The following SMG1 variants were observed in gnomAD, a reference collection of about 807,000 sequenced individuals.
SMG1 encodes serine/threonine-protein kinase SMG1.
In SMG1, 22 loss-of-function variants were observed where a neutral mutation model predicts 419.9. The observed-to-expected ratio is 0.05, with a 90% confidence interval of 0.04 to 0.07. The LOEUF (loss-of-function observed/expected upper bound fraction) is 0.07, where lower values mean the gene tolerates loss of function less well. SMG1 is among the 10% of genes least tolerant of loss of function. The probability of loss-of-function intolerance (pLI) is 1.00; values close to 1 mark genes in which losing one functional copy is unlikely to be tolerated. For synonymous variants in SMG1, 1,538 were observed against 1,553.5 expected, an observed-to-expected ratio of 0.99 and a Z score of 0.23; for missense variants, 3,185 against 4,342.0, an observed-to-expected ratio of 0.73 and a Z score of 7.49.
At chr16:18,879,234 G>A in intron 11 of SMG1, 2 of 453,726 alleles carry the variant, frequency 4.4e-6, no homozygotes, top group South Asian at 2.1e-5. Context: ...TCCTCCCTCA[G>A]CCTCCCGAGT....
chr16:18,833,310 T>G (rs1389710636), intron 50 of SMG1, 144 bp from the exon 51 acceptor site: 1 of 585,662 alleles, frequency 1.7e-6, no homozygotes, highest in Non-Finnish European at 2.9e-6. Flanking sequence ...TTGTTTACTT[T>G]TTATTTCTAC....
chr16:18,852,426 C>G lies in SMG1; in HGVS notation c.4805G>C (p.Gly1602Ala). Residue 1602 changes from glycine to alanine, a missense_variant, in exon 32 of 63, where the codon GGA becomes GCA. Coordinates refer to ENST00000446231, the MANE Select transcript of SMG1 (RefSeq NM_015092.5). ...TACTGAAGACAGGTGATACAACTGT[C>G]CCAAAATGAAGTCAGGTTCTCCAAC... ...IGVGEPDFILGQLYHLSSVQA... is the reference protein window; with the variant it reads ...IGVGEPDFILAQLYHLSSVQA... The G allele has an allele frequency of 6.2e-7, 1 of 1,601,454 alleles. No individual in the cohort carries two copies. The highest frequency in any genetic ancestry group is 8.5e-7 in the Non-Finnish European group (1 of 1,173,880).
chr16:18,918,042 C>CGGCTGG (rs1237360801), intron 1 of SMG1, among the ~76,000 whole-genome samples: 114 of 151,734 alleles, frequency 7.5e-4, no homozygotes, highest in African/African-American at 2.6e-3. Context: ...GGGTGGATCA[C>CGGCTGG]CTGAGGTCAT....
At chr16:18,882,953 T>C (rs556488746) in intron 9 of SMG1, among the ~76,000 whole-genome samples, 1 of 152,218 alleles carries the variant, frequency 6.6e-6, no homozygotes, top group South Asian at 2.1e-4. Context: ...CAAACTAGAA[T>C]GTGTGGCTTA....
chr16:18,815,346 G>T (rs1298982567), intron 59 of SMG1, 65 bp from the exon 60 acceptor site: 2 of 1,542,902 alleles, frequency 1.3e-6, no homozygotes, highest in East Asian at 2.3e-5. Context: ...ATAAAAATAT[G>T]AACAAAACTG....
At chr16:18,884,684 T>C (rs1362754654) in intron 8 of SMG1, 2 of 176,122 alleles carry the variant, frequency 1.1e-5, no homozygotes, top group Admixed American at 6.1e-5. Flanking sequence ...TCCAAAAAAA[T>C]GGGAAACAAA....
At chr16:18,812,880 T>C (rs1475149590) in intron 60 of SMG1, among the ~76,000 whole-genome samples, 1 of 152,164 alleles carries the variant, frequency 6.6e-6, no homozygotes, top group East Asian at 1.9e-4. Context: ...CCAAGTGTTC[T>C]CATTGTTCAA....
chr16:18,846,833 T>C (rs2034295421), intron 38 of SMG1, among the ~76,000 whole-genome samples: 1 of 152,202 alleles, frequency 6.6e-6, no homozygotes, highest in South Asian at 2.1e-4. Flanking sequence ...AAGTCAGACG[T>C]AGAATTGCCA....
chr16:18,815,061 A>T lies in SMG1; in HGVS notation c.10621+114T>A, dbSNP rs574618310. 2.9e-3 allele frequency: 2,066 copies of T among 714,656 alleles called. 9 individuals carry two copies. The highest frequency in any genetic ancestry group is 3.1e-3 in the Non-Finnish European group (1,311 of 426,216). The allele number at this position is 714,656 out of a possible 1,614,324, so 44.3% of individuals were successfully genotyped here. On this transcript the variant is annotated intron_variant, in intron 60 of 62. Coordinates refer to ENST00000446231, the MANE Select transcript of SMG1 (RefSeq NM_015092.5). ...TAAGCTAAAATCTGTTCAGTTTAAG[A>T]TTATAGAATGACAGGCCTTAAGTGT...
chr16:18,847,264 G>C (rs1407259696), intron 38 of SMG1, among the ~76,000 whole-genome samples, 189 bp downstream of exon 38: 1 of 152,180 alleles, frequency 6.6e-6, no homozygotes, highest in African/African-American at 2.4e-5. Flanking sequence ...AATGAGTACA[G>C]AGCTTCTTCT....
intron 31 of SMG1, 36 bp from the exon 32 acceptor site, chr16:18,852,498 G>C (rs1318155135): frequency 6.9e-7 from 1 of 1,441,860 alleles, no homozygotes; most frequent in Non-Finnish European, 9.2e-7. Flanking sequence ...TATAATAAAA[G>C]AACTCAACAA....
chr16:18,919,195 C>A (rs1256246473), intron 1 of SMG1, among the ~76,000 whole-genome samples: 2 of 151,960 alleles, frequency 1.3e-5, no homozygotes, highest in Non-Finnish European at 2.9e-5. Flanking sequence ...GGGGTAGTGG[C>A]ACATGCCTGT....
chr16:18,892,397 A>T (rs752971977), intron 3 of SMG1, 43 bp from the exon 4 acceptor site: 36 of 1,444,230 alleles, frequency 2.5e-5, no homozygotes, highest in South Asian at 1.3e-4. Flanking sequence ...AGTATAAATA[A>T]GCAAAGATAT....
chr16:18,915,326 A>G (rs1018008930), intron 1 of SMG1, among the ~76,000 whole-genome samples: 3 of 152,090 alleles, frequency 2.0e-5, no homozygotes, highest in African/African-American at 7.2e-5. Context: ...AGTCCATTAC[A>G]ATACTGTCCT....
Position 18,859,595 on chromosome 16 carries a change from T to C in SMG1, c.3914A>G (p.Asn1305Ser), listed in dbSNP as rs868465019. Residue 1305 changes from asparagine (N) to serine (S), a missense_variant, in exon 27 of 63, where the codon AAC becomes AGC. Coordinates refer to ENST00000446231, the MANE Select transcript of SMG1 (RefSeq NM_015092.5). ...CCACTTCTGATCTTGTTCTATCGGG[T>C]TTAAAGCAGTTGCCAAACAAACAGA... ...RSSVCLATAL[N>S]PIEQDQKWQS... The C allele has an allele frequency of 3.8e-6, 6 of 1,599,792 alleles. No homozygotes were observed. The Middle Eastern group carries it at 9.9e-4, about 265-fold the overall frequency.
Position 18,896,761 on chromosome 16 carries a change from A to G in SMG1, c.256+32T>C. 2.6e-6 allele frequency: 4 copies of G among 1,549,918 alleles called. No homozygotes were observed. In the South Asian group the frequency reaches 4.5e-5, roughly 18 times the overall value. ...AAGGTGAGACAGGTAGGTTCAAAAAACATGCTTGTAGCAATAAGAAAATAT... is the reference window on the plus strand; with the variant it reads ...AAGGTGAGACAGGTAGGTTCAAAAAGCATGCTTGTAGCAATAAGAAAATAT... On this transcript the variant is annotated intron_variant, in intron 2 of 62. Coordinates refer to ENST00000446231, the MANE Select transcript of SMG1 (RefSeq NM_015092.5).
intron 1 of SMG1, among the ~76,000 whole-genome samples, chr16:18,916,338 A>AC (rs1206869351): frequency 1.3e-5 from 2 of 151,366 alleles, no homozygotes; most frequent in African/African-American, 4.8e-5. Flanking sequence ...ACATAGTGAA[A>AC]CCCCGTCTCT....
At chr16:18,903,222 T>C (rs1473737257) in intron 1 of SMG1, among the ~76,000 whole-genome samples, 6 of 152,190 alleles carry the variant, frequency 3.9e-5, no homozygotes, top group Non-Finnish European at 7.3e-5. Context: ...ATATTCTCTA[T>C]TTTCAGACCT....
intron 6 of SMG1, among the ~76,000 whole-genome samples, chr16:18,886,543 C>T (rs1372905255): frequency 6.6e-6 from 1 of 152,142 alleles, no homozygotes; most frequent in African/African-American, 2.4e-5. Flanking sequence ...TGGCTCACAC[C>T]TGTAACCCCA....
Sources: gnomAD v4.1 joint callset for allele counts (sites outside exome capture counted in the v4.1 genomes callset) on GRCh38, gnomAD v4.1.1 for gene constraint, MANE v1.5 for transcripts, NCBI Gene and HGNC (gene_info 2026-07-23, HGNC 2026-07-21) for gene names.